Variants in SCAPER observed in about 807,000 individuals in gnomAD.
The protein encoded by SCAPER is S phase cyclin A-associated protein in the endoplasmic reticulum.
In SCAPER, 98 loss-of-function variants were observed where a neutral mutation model predicts 182.2. That is an observed-to-expected ratio of 0.54 (90% confidence interval 0.46 to 0.64). The LOEUF (loss-of-function observed/expected upper bound fraction) is 0.64, where lower values mean the gene tolerates loss of function less well. SCAPER is among the 30% of genes least tolerant of loss of function. SCAPER has a pLI of 0.00. For synonymous variants in SCAPER, 605 were observed against 564.6 expected (o/e 1.07, Z -1.01); for missense variants, 1,432 against 1,690.0 (o/e 0.85, Z 2.68).
At chr15:76,494,143 T>C (rs1001425253) in intron 24 of SCAPER, among the ~76,000 whole-genome samples, 1 of 152,206 alleles carries the variant, frequency 6.6e-6, no homozygotes, top group Non-Finnish European at 1.5e-5. Flanking sequence ...AGGTGACACA[T>C]AGGTTCCAGT....
intron 24 of SCAPER, among the ~76,000 whole-genome samples, chr15:76,489,254 C>A: frequency 7.3e-6 from 1 of 137,058 alleles, no homozygotes; most frequent in Non-Finnish European, 1.6e-5. Flanking sequence ...ACCACAATTA[C>A]TTTTGCACCA....
chr15:76,613,781 G>GA (rs1460460947), intron 22 of SCAPER, among the ~76,000 whole-genome samples: 2 of 152,186 alleles, frequency 1.3e-5, no homozygotes, highest in African/African-American at 4.8e-5. Context: ...AGGTTGTAGA[G>GA]AAAAAGAAAT....
At chr15:76,670,552 A>T (rs1264869851) in intron 20 of SCAPER, among the ~76,000 whole-genome samples, 1 of 152,172 alleles carries the variant, frequency 6.6e-6, no homozygotes, top group African/African-American at 2.4e-5. Flanking sequence ...GAAATGAAAA[A>T]CCTGGGCCAC....
At chr15:76,402,674 A>C (rs778376192) in intron 27 of SCAPER, among the ~76,000 whole-genome samples, 10 of 152,126 alleles carry the variant, frequency 6.6e-5, no homozygotes, top group Non-Finnish European at 1.0e-4. Context: ...ACAGATGCTC[A>C]ATGTCTTCAG....
chr15:76,871,396 G>A (rs1376590172), intron 2 of SCAPER, among the ~76,000 whole-genome samples: 5 of 130,398 alleles, frequency 3.8e-5, no homozygotes, highest in Non-Finnish European at 6.3e-5. Context: ...GGGACAGAAC[G>A]AGACTCCATC....
At chr15:76,621,482 T>TC (rs11396730) in intron 22 of SCAPER, among the ~76,000 whole-genome samples, 147,936 of 152,096 alleles carry the variant, frequency 0.97, 72,064 homozygotes, top group South Asian at 1. Context: ...GAGACAGTTC[T>TC]TTGTGAGGGT....
At chr15:76,402,166 A>G (rs1596454245) in intron 27 of SCAPER, among the ~76,000 whole-genome samples, 1 of 152,050 alleles carries the variant, frequency 6.6e-6, no homozygotes, top group Middle Eastern at 3.4e-3. Context: ...AACAAACAAA[A>G]AACAGGTTAG....
chr15:76,733,646 C>T (rs540588360), intron 15 of SCAPER, among the ~76,000 whole-genome samples: 43 of 151,748 alleles, frequency 2.8e-4, no homozygotes, highest in Non-Finnish European at 5.3e-4. Context: ...CCCAGCTACT[C>T]GGGAGGCAGA....
intron 28 of SCAPER, among the ~76,000 whole-genome samples, chr15:76,378,560 G>A (rs988232320): frequency 3.3e-5 from 5 of 152,162 alleles, no homozygotes; most frequent in Admixed American, 2.0e-4. Flanking sequence ...TTATATTCTT[G>A]ATCACGTCCA....
chr15:76,368,639 TAG>T (rs2041959583), intron 29 of SCAPER, among the ~76,000 whole-genome samples: 2 of 152,146 alleles, frequency 1.3e-5, no homozygotes, highest in Admixed American at 1.3e-4. Context: ...TGGACTTCAC[TAG>T]AGAGAGCTCA....
At chr15:76,758,526 A>G (rs1334601370) in intron 14 of SCAPER, among the ~76,000 whole-genome samples, 2 of 152,166 alleles carry the variant, frequency 1.3e-5, no homozygotes, top group Non-Finnish European at 2.9e-5. Context: ...TGTTATGACT[A>G]TAGCCTTTGC....
At position 76,755,025 on chromosome 15, in the gene SCAPER, T is replaced by A. The variant is rs116256238; in HGVS notation, c.1726-1077A>T. 9.1e-3 allele frequency among the ~76,000 whole-genome samples: 1,387 copies of A among 152,230 alleles called. 22 individuals carry two copies. The highest frequency in any genetic ancestry group is 0.032 in the African/African-American group (1,347 of 41,544). ...AAATTAATTGAAGGGATACCTACAT[T>A]GATGAGAAAATAACCAGAAAACATC... On this transcript the variant is annotated intron_variant, in intron 14 of 31. Transcript: ENST00000563290.
intron 5 of SCAPER, among the ~76,000 whole-genome samples, chr15:76,817,161 C>A (rs2067154690): frequency 6.6e-6 from 1 of 152,166 alleles, no homozygotes; most frequent in South Asian, 2.1e-4. Context: ...ATCTTATGAA[C>A]CACCATTGTA....
At chr15:76,689,428 C>T (rs571478776) in intron 20 of SCAPER, among the ~76,000 whole-genome samples, 1 of 152,006 alleles carries the variant, frequency 6.6e-6, no homozygotes, top group African/African-American at 2.4e-5. Context: ...TTTAAAGAGG[C>T]TACTTACTAT....
At chr15:76,638,836 T>A (rs867358853) in intron 21 of SCAPER, among the ~76,000 whole-genome samples, 1 of 152,214 alleles carries the variant, frequency 6.6e-6, no homozygotes, top group South Asian at 2.1e-4. Context: ...TAAATTCTCA[T>A]ACAGCATTTA....
At chr15:76,487,995 T>G (rs1468353598) in intron 24 of SCAPER, among the ~76,000 whole-genome samples, 1 of 152,158 alleles carries the variant, frequency 6.6e-6, no homozygotes, top group Non-Finnish European at 1.5e-5. Flanking sequence ...TTTCTAGACC[T>G]TTAGAATTAA....
At chr15:76,690,509 TA>T (rs2058293089) in intron 20 of SCAPER, among the ~76,000 whole-genome samples, 2 of 152,304 alleles carry the variant, frequency 1.3e-5, no homozygotes, top group Middle Eastern at 3.4e-3. Context: ...GTCTGGTGTT[TA>T]GTTATATTAA....
chr15:76,406,475 C>A (rs1464151825), intron 26 of SCAPER, among the ~76,000 whole-genome samples: 1 of 151,532 alleles, frequency 6.6e-6, no homozygotes, highest in Non-Finnish European at 1.5e-5. Flanking sequence ...GAGACTCCAT[C>A]TCAAGAAAAA....
intron 23 of SCAPER, among the ~76,000 whole-genome samples, chr15:76,505,266 G>C (rs985563679): frequency 5.3e-5 from 8 of 152,076 alleles, no homozygotes; most frequent in Non-Finnish European, 7.4e-5. Context: ...AAGTTAAAAA[G>C]CTTCTGCACA....
Sources: gnomAD v4.1 joint callset for allele counts (sites outside exome capture counted in the v4.1 genomes callset) on GRCh38, gnomAD v4.1.1 for gene constraint, MANE v1.5 for transcripts, NCBI Gene and HGNC (gene_info 2026-07-23, HGNC 2026-07-21) for gene names.